Variants in GALNT7 observed in about 807,000 individuals in gnomAD.
GALNT7 encodes the protein polypeptide N-acetylgalactosaminyltransferase 7, also known as N-acetylgalactosaminyltransferase 7.
A neutral mutation model predicts 82.1 loss-of-function variants in GALNT7; 60 were observed. The ratio of observed to expected loss-of-function variants is 0.73; its 90% CI spans 0.59 to 0.91. GALNT7 has a LOEUF of 0.91. GALNT7 is among the 40% of genes least tolerant of loss of function. The probability of loss-of-function intolerance (pLI) is 0.00; values close to 1 mark genes in which losing one functional copy is unlikely to be tolerated. For missense variants in GALNT7, 660 were observed against 804.2 expected, an observed-to-expected ratio of 0.82 and a Z score of 2.17; for synonymous variants, 243 against 275.1, an observed-to-expected ratio of 0.88 and a Z score of 1.15.
chr4:173,248,851 C>G (rs1268943742), intron 2 of GALNT7, among the ~76,000 whole-genome samples: 1 of 152,162 alleles, frequency 6.6e-6, no homozygotes, highest in East Asian at 1.9e-4. Flanking sequence ...GGAGCAAGTG[C>G]CTTATCTTGT....
chr4:173,274,562 A>C (rs1735833701), intron 2 of GALNT7, among the ~76,000 whole-genome samples: 1 of 152,188 alleles, frequency 6.6e-6, no homozygotes, highest in African/African-American at 2.4e-5. Context: ...CAAATCATAT[A>C]ACCTAACAGA....
chr4:173,305,625 A>G (rs1268124105), intron 8 of GALNT7, among the ~76,000 whole-genome samples: 1 of 152,052 alleles, frequency 6.6e-6, no homozygotes, highest in Non-Finnish European at 1.5e-5. Flanking sequence ...TTGCATATGG[A>G]TATCTAGTTT....
At chr4:173,301,584 C>T (rs762547751) in intron 6 of GALNT7, among the ~76,000 whole-genome samples, 133 of 152,214 alleles carry the variant, frequency 8.7e-4, no homozygotes, top group Non-Finnish European at 1.4e-3. Context: ...TGTTATTTGG[C>T]GAGCCCCTGA....
intron 1 of GALNT7, among the ~76,000 whole-genome samples, chr4:173,203,921 A>G (rs761081866): frequency 6.6e-6 from 1 of 152,222 alleles, no homozygotes; most frequent in African/African-American, 2.4e-5. Flanking sequence ...TACTTTTACC[A>G]GTAAGTTTTA....
At chr4:173,207,769 A>G in intron 1 of GALNT7, among the ~76,000 whole-genome samples, 1 of 152,182 alleles carries the variant, frequency 6.6e-6, no homozygotes, top group Non-Finnish European at 1.5e-5. Flanking sequence ...TAATTGTTGG[A>G]TCAAAAAGTA....
intron 1 of GALNT7, among the ~76,000 whole-genome samples, chr4:173,172,262 G>T (rs543676182): frequency 2.4e-4 from 37 of 152,292 alleles, no homozygotes; most frequent in Non-Finnish European, 4.9e-4. Flanking sequence ...GTCTGCATGC[G>T]CAGTGGCCTG....
At chr4:173,288,112 T>C in intron 2 of GALNT7, among the ~76,000 whole-genome samples, 1 of 150,286 alleles carries the variant, frequency 6.7e-6, no homozygotes, top group East Asian at 2.0e-4. Flanking sequence ...TGAAACCCCG[T>C]CTCTACTAAA....
chr4:173,185,599 T>C lies in GALNT7; in HGVS notation c.126+16638T>C, dbSNP rs151189015. Among the ~76,000 whole-genome samples the C allele has an allele frequency of 4.7e-3, 717 of 152,234 alleles. 13 individuals are homozygous for C. Among genetic ancestry groups the C allele is most frequent in the African/African-American group, 0.016 (669 of 41,530 alleles). On this transcript the variant is annotated intron_variant, in intron 1 of 11. Coordinates refer to ENST00000265000, the MANE Select transcript of GALNT7 (RefSeq NM_017423.3). Reference sequence around the variant, plus strand: ...CTAGGCAGTATAATGAATTAAAATGTAGTAGATATTTAGCACAAGCAAAAA... The same window carrying C: ...CTAGGCAGTATAATGAATTAAAATGCAGTAGATATTTAGCACAAGCAAAAA...
intron 2 of GALNT7, among the ~76,000 whole-genome samples, chr4:173,284,907 T>C (rs1188546075): frequency 2.6e-5 from 4 of 152,224 alleles, no homozygotes. Context: ...ATACATTTTT[T>C]TGTATGGTTA....
At chr4:173,221,814 G>A (rs1417742771) in intron 1 of GALNT7, among the ~76,000 whole-genome samples, 1 of 152,078 alleles carries the variant, frequency 6.6e-6, no homozygotes, top group Admixed American at 6.6e-5. Context: ...CATAAACAAA[G>A]ATTTAAATTA....
intron 2 of GALNT7, among the ~76,000 whole-genome samples, chr4:173,288,282 CAAAAAAAA>C (rs70944442): frequency 3.2e-4 from 20 of 62,976 alleles, no homozygotes; most frequent in African/African-American, 8.7e-4. Flanking sequence ...GACTCCATCT[CAAAAAAAA>C]AAAAAAAAAA....
chr4:173,239,367 T>C (rs1232821423), intron 1 of GALNT7, among the ~76,000 whole-genome samples: 6 of 152,174 alleles, frequency 3.9e-5, no homozygotes, highest in Admixed American at 3.9e-4. Context: ...TACTCATCCA[T>C]GAACAAACAT....
chr4:173,216,728 T>TATATATATATATATA (rs374031950), intron 1 of GALNT7, among the ~76,000 whole-genome samples: 1 of 8,058 alleles, frequency 1.2e-4, no homozygotes, highest in Admixed American at 1.4e-3. Context: ...TATATATATA[T>TATATATATATATATA]TTTTTTTTTT....
chr4:173,222,009 A>G (rs1271245556), intron 1 of GALNT7, among the ~76,000 whole-genome samples: 2 of 152,218 alleles, frequency 1.3e-5, no homozygotes, highest in African/African-American at 4.8e-5. Context: ...TTCAGAAGGC[A>G]TAAAATTAAG....
chr4:173,262,551 A>G lies in GALNT7; in HGVS notation c.587+14111A>G, dbSNP rs533719386. ...TTTCTTAGTTTCGCCTGAGAGCTCA[A>G]GTTTTGTCATTGGCAACAAGTGATG... is the stretch of plus-strand genomic sequence containing the variant. On this transcript the variant is annotated intron_variant, in intron 2 of 11. Transcript: ENST00000265000. 5.1e-4 allele frequency among the ~76,000 whole-genome samples: 77 copies of G among 152,314 alleles called. 1 individual carries two copies. The highest frequency in any genetic ancestry group is 7.4e-5 in the Non-Finnish European group (5 of 67,994).
chr4:173,279,891 C>G (rs1416890326), intron 2 of GALNT7, among the ~76,000 whole-genome samples: 1 of 152,068 alleles, frequency 6.6e-6, no homozygotes, highest in African/African-American at 2.4e-5. Flanking sequence ...ACAAGAATCA[C>G]TTGAACCCGG....
intron 1 of GALNT7, among the ~76,000 whole-genome samples, chr4:173,209,518 A>G (rs1008432010): frequency 3.3e-5 from 5 of 152,184 alleles, no homozygotes; most frequent in Admixed American, 2.6e-4. Context: ...ACATTTGTGT[A>G]GTTACTTGGA....
At chr4:173,244,343 AT>A (rs1734539907) in intron 1 of GALNT7, among the ~76,000 whole-genome samples, 1 of 152,204 alleles carries the variant, frequency 6.6e-6, no homozygotes, top group African/African-American at 2.4e-5. Flanking sequence ...AGGAGTGTGT[AT>A]TCTCCAGAGG....
At chr4:173,188,614 C>T (rs943477871) in intron 1 of GALNT7, among the ~76,000 whole-genome samples, 1 of 152,150 alleles carries the variant, frequency 6.6e-6, no homozygotes. Flanking sequence ...GAAGAGAAAG[C>T]GCTGTGGACA....
Sources: gnomAD v4.1 joint callset for allele counts (sites outside exome capture counted in the v4.1 genomes callset) on GRCh38, gnomAD v4.1.1 for gene constraint, MANE v1.5 for transcripts, NCBI Gene and HGNC (gene_info 2026-07-23, HGNC 2026-07-21) for gene names.